Variants in LGSN observed in about 807,000 individuals in gnomAD.
LGSN encodes lengsin, lens protein with glutamine synthetase domain, also known as lengsin.
LGSN carries 21 observed loss-of-function variants against 19.5 expected under a neutral mutation model. The ratio of observed to expected loss-of-function variants is 1.07; its 90% CI spans 0.76 to 1.55. The LOEUF (loss-of-function observed/expected upper bound fraction) is 1.55. Among genes scored for constraint, LGSN ranks in the 40% most tolerant of loss-of-function variants. LGSN has a pLI of 0.00. For synonymous variants in LGSN, 257 were observed against 215.6 expected (o/e 1.19, Z -1.68); for missense variants, 673 against 608.5 (o/e 1.11, Z -1.12).
At chr6:63,381,020 A>G in the LGSN span, among the ~76,000 whole-genome samples, 2 of 152,210 alleles carry the variant, frequency 1.3e-5, no homozygotes, top group East Asian at 3.9e-4. Flanking sequence ...AACACGGCAA[A>G]ACCTCATCTC....
chr6:63,411,808 C>T, the LGSN span, among the ~76,000 whole-genome samples: 1 of 152,060 alleles, frequency 6.6e-6, no homozygotes. Flanking sequence ...GATGGTCCCC[C>T]TGCACTCCAG....
the LGSN span, among the ~76,000 whole-genome samples, chr6:63,351,669 T>G: frequency 0.039 from 5,986 of 152,102 alleles, 403 homozygotes; most frequent in African/African-American, 0.14. Flanking sequence ...TGTTGGCCAC[T>G]CTGGTCTCGA....
the LGSN span, among the ~76,000 whole-genome samples, chr6:63,419,384 G>A: frequency 1.3e-5 from 2 of 152,120 alleles, no homozygotes; most frequent in African/African-American, 4.8e-5. Context: ...TACCTAGCAG[G>A]CCTCAAGGAG....
chr6:63,497,056 C>T, the LGSN span, among the ~76,000 whole-genome samples: 1 of 152,016 alleles, frequency 6.6e-6, no homozygotes, highest in Non-Finnish European at 1.5e-5. Context: ...TATTTAATCT[C>T]AAACTCCTGG....
chr6:63,505,647 C>G, the LGSN span, among the ~76,000 whole-genome samples: 2 of 72,104 alleles, frequency 2.8e-5, no homozygotes, highest in East Asian at 3.7e-4. Flanking sequence ...TTCTGGCATT[C>G]TTTTTTGTTT....
chr6:63,383,400 A>ACACC, the LGSN span, among the ~76,000 whole-genome samples: 1 of 151,894 alleles, frequency 6.6e-6, no homozygotes, highest in Non-Finnish European at 1.5e-5. Context: ...ACACACACAC[A>ACACC]CACACTCTTG....
the LGSN span, among the ~76,000 whole-genome samples, chr6:63,541,917 A>G: frequency 2.0e-5 from 3 of 151,848 alleles, no homozygotes; most frequent in Non-Finnish European, 4.4e-5. Flanking sequence ...GGTGTCTCCC[A>G]TCTTTTTCTG....
At chr6:63,501,362 C>CAA in the LGSN span, among the ~76,000 whole-genome samples, 1,269 of 133,860 alleles carry the variant, frequency 9.5e-3, 21 homozygotes, top group African/African-American at 0.03. Flanking sequence ...AACTTCGTCT[C>CAA]AAAAAAAAAA....
chr6:63,285,666 C>T lies in LGSN; in HGVS notation c.251G>A (p.Arg84His), dbSNP rs770492942. ...TGCTTCAAATCGTACAAACTGGAGG[C>T]GATTTTTGGCCATGGCTTGTCTAAT... ...KHIRQAMAKN[R>H]LQFVRFEATD... The change falls in exon 3 of 4, where the codon CGC (arginine) becomes CAC (histidine). Residue 84 changes from arginine to histidine, a missense_variant. Physicochemically the swap from Arg to His is conservative, Grantham distance 29. Transcript: ENST00000370657. 9 of 1,613,792 alleles carry T rather than the reference C, an allele frequency of 5.6e-6. No homozygotes were observed. The highest frequency in any genetic ancestry group is 1.7e-5 in the Admixed American group (1 of 60,008).
At chr6:63,332,652 C>T in the LGSN span, among the ~76,000 whole-genome samples, 1 of 152,178 alleles carries the variant, frequency 6.6e-6, no homozygotes, top group Non-Finnish European at 1.5e-5. Context: ...AGTCGCTTTC[C>T]ACTGGCCGAC....
the LGSN span, among the ~76,000 whole-genome samples, chr6:63,449,755 T>TA: frequency 6.6e-6 from 1 of 152,044 alleles, no homozygotes; most frequent in Non-Finnish European, 1.5e-5. Context: ...AGTTTCAGGA[T>TA]AAAATAGTGG....
At chr6:63,341,881 G>A in the LGSN span, among the ~76,000 whole-genome samples, 1 of 152,160 alleles carries the variant, frequency 6.6e-6, no homozygotes, top group African/African-American at 2.4e-5. Context: ...AATGCAGCCA[G>A]CCTGTGTACC....
chr6:63,419,329 T>C, the LGSN span, among the ~76,000 whole-genome samples: 2 of 152,138 alleles, frequency 1.3e-5, no homozygotes, highest in Admixed American at 6.6e-5. Flanking sequence ...CAAAATCCAA[T>C]GTGTTGATTT....
the LGSN span, among the ~76,000 whole-genome samples, chr6:63,562,735 C>A: frequency 6.6e-6 from 1 of 152,148 alleles, no homozygotes; most frequent in Non-Finnish European, 1.5e-5. Flanking sequence ...TCTCTTAATA[C>A]CTAAATATAC....
At chr6:63,483,042 A>G in the LGSN span, among the ~76,000 whole-genome samples, 7 of 152,312 alleles carry the variant, frequency 4.6e-5, no homozygotes, top group African/African-American at 1.4e-4. Flanking sequence ...ACTGCATGTC[A>G]GGCACTGTTC....
the LGSN span, among the ~76,000 whole-genome samples, chr6:63,325,835 T>A: frequency 6.6e-6 from 1 of 151,814 alleles, no homozygotes; most frequent in Non-Finnish European, 1.5e-5. Flanking sequence ...ACCCAAAGAG[T>A]GAGCAGTAGC....
the LGSN span, among the ~76,000 whole-genome samples, chr6:63,377,384 C>A: frequency 6.6e-6 from 1 of 152,222 alleles, no homozygotes; most frequent in African/African-American, 2.4e-5. Flanking sequence ...TTTCCAGATG[C>A]TGCCATGCTG....
At chr6:63,502,767 T>G in the LGSN span, among the ~76,000 whole-genome samples, 2 of 152,224 alleles carry the variant, frequency 1.3e-5, no homozygotes, top group African/African-American at 4.8e-5. Context: ...CAATTCTCAC[T>G]TCTGGGAGGA....
the LGSN span, among the ~76,000 whole-genome samples, chr6:63,534,863 AC>A: frequency 9.4e-6 from 1 of 106,534 alleles, no homozygotes. Context: ...TAAATTCTTT[AC>A]TAAAGAATTT....
Sources: gnomAD v4.1 joint callset for allele counts (sites outside exome capture counted in the v4.1 genomes callset) on GRCh38, gnomAD v4.1.1 for gene constraint, MANE v1.5 for transcripts, NCBI Gene and HGNC (gene_info 2026-07-23, HGNC 2026-07-21) for gene names.